CNTN1: variants seen among roughly 807,000 people sequenced by gnomAD.
CNTN1 encodes contactin 1, also known as contactin-1.
In CNTN1, 38 loss-of-function variants were observed where a neutral mutation model predicts 126.4. The observed-to-expected ratio is 0.30, with a 90% CI of 0.23 to 0.39. The LOEUF (loss-of-function observed/expected upper bound fraction) is 0.39. CNTN1 is among the 10% of genes least tolerant of loss of function. The probability of loss-of-function intolerance (pLI) is 1.00; values close to 1 mark genes in which losing one functional copy is unlikely to be tolerated. For synonymous variants in CNTN1, 413 were observed against 422.6 expected (o/e 0.98, Z 0.28); for missense variants, 1,009 against 1,248.4 (o/e 0.81, Z 2.89).
intron 1 of CNTN1, among the ~76,000 whole-genome samples, chr12:40,760,564 G>T (rs142225686): frequency 6.6e-6 from 1 of 151,706 alleles, no homozygotes; most frequent in Non-Finnish European, 1.5e-5. Flanking sequence ...ACTGCTGTTC[G>T]CAGTGTGGCT....
At chr12:41,041,004 G>A (rs1452031592) in intron 23 of CNTN1, among the ~76,000 whole-genome samples, 2 of 142,794 alleles carry the variant, frequency 1.4e-5, no homozygotes, top group African/African-American at 5.3e-5. Flanking sequence ...GTTTTCAAAG[G>A]GAATGCTTCC....
intron 1 of CNTN1, among the ~76,000 whole-genome samples, chr12:40,754,694 T>A (rs1232556040): frequency 6.6e-6 from 1 of 152,082 alleles, no homozygotes; most frequent in Non-Finnish European, 1.5e-5. Flanking sequence ...GTATTTATGT[T>A]GCAAGTTTTT....
At chr12:40,833,287 G>T (rs1171784192) in intron 1 of CNTN1, among the ~76,000 whole-genome samples, 3 of 152,014 alleles carry the variant, frequency 2.0e-5, no homozygotes, top group Non-Finnish European at 2.9e-5. Context: ...GTAGAGACAG[G>T]GTTTCACCAT....
chr12:40,835,142 T>G (rs867917401), intron 1 of CNTN1, among the ~76,000 whole-genome samples: 1 of 152,204 alleles, frequency 6.6e-6, no homozygotes, highest in Non-Finnish European at 1.5e-5. Context: ...AAAATGATAA[T>G]AGCAGTGTCT....
In CNTN1 at chr12:40,911,318, G is replaced by A. The variant is rs577396677; in HGVS notation, c.94+1213G>A. ...GATGGTCTCAATCTCCTGACCTCGT[G>A]ATCCGCCCGCCTTAGCCTCCCAAAG... On this transcript the variant is annotated intron_variant, in intron 3 of 23. Coordinates refer to ENST00000551295, the MANE Select transcript of CNTN1 (RefSeq NM_001843.4). Among the ~76,000 whole-genome samples the A allele has an allele frequency of 5.9e-5, 9 of 152,180 alleles. No individual in the cohort carries two copies. In the South Asian group the frequency reaches 1.9e-3, roughly 32 times the overall value.
chr12:40,795,105 C>T (rs1013654537), intron 1 of CNTN1, among the ~76,000 whole-genome samples: 2 of 151,974 alleles, frequency 1.3e-5, no homozygotes, highest in Non-Finnish European at 2.9e-5. Flanking sequence ...AAGAGAAAAC[C>T]CTGAGGATTC....
intron 12 of CNTN1, among the ~76,000 whole-genome samples, chr12:40,942,741 C>G (rs974841813): frequency 6.6e-6 from 1 of 151,992 alleles, no homozygotes; most frequent in African/African-American, 2.4e-5. Context: ...ACAAAAAGTA[C>G]TCTGAAATGA....
intron 1 of CNTN1, among the ~76,000 whole-genome samples, chr12:40,715,961 A>T (rs549093437): frequency 3.3e-5 from 5 of 152,156 alleles, no homozygotes; most frequent in South Asian, 2.1e-4. Flanking sequence ...TGGATAGAGG[A>T]TAATAGTTAA....
intron 1 of CNTN1, among the ~76,000 whole-genome samples, chr12:40,793,409 A>G (rs1050265953): frequency 6.6e-6 from 1 of 151,582 alleles, no homozygotes; most frequent in Non-Finnish European, 1.5e-5. Context: ...CTAAGAACCT[A>G]TGAGAGTTAG....
At chr12:41,048,587 C>G (rs1566215645) in intron 23 of CNTN1, among the ~76,000 whole-genome samples, 2 of 152,084 alleles carry the variant, frequency 1.3e-5, no homozygotes, top group African/African-American at 4.8e-5. Flanking sequence ...TCTTCTACAT[C>G]ATTATATTTC....
intron 15 of CNTN1, chr12:40,972,794 T>C (rs1017612533): frequency 3.8e-6 from 1 of 265,168 alleles, no homozygotes; most frequent in Non-Finnish European, 5.8e-6. Flanking sequence ...GAGACATGTA[T>C]GAATCGTATT....
At chr12:40,925,608 TGTATATATATATATACAC>T in intron 6 of CNTN1, among the ~76,000 whole-genome samples, 1 of 144,864 alleles carries the variant, frequency 6.9e-6, no homozygotes, top group Non-Finnish European at 1.5e-5. Context: ...TATATATACG[TGTATATATATATATACAC>T]ATATATATAT....
At chr12:41,030,882 A>G (rs1403394380) in intron 23 of CNTN1, among the ~76,000 whole-genome samples, 1 of 152,176 alleles carries the variant, frequency 6.6e-6, no homozygotes, top group Non-Finnish European at 1.5e-5. Flanking sequence ...CATTTTCTAT[A>G]TTCAGAACTT....
intron 17 of CNTN1, among the ~76,000 whole-genome samples, chr12:40,999,220 A>G (rs1359078602): frequency 2.0e-5 from 3 of 152,216 alleles, no homozygotes; most frequent in East Asian, 1.9e-4. Flanking sequence ...GGGAATTACT[A>G]TTAAATAGAA....
intron 14 of CNTN1, among the ~76,000 whole-genome samples, chr12:40,947,985 G>A: frequency 6.6e-6 from 1 of 151,604 alleles, no homozygotes; most frequent in Non-Finnish European, 1.5e-5. Context: ...CCTCTTATGT[G>A]GTGACTCTGA....
chr12:40,971,793 C>A, intron 15 of CNTN1: 1 of 1,187,608 alleles, frequency 8.4e-7, no homozygotes, highest in Non-Finnish European at 1.0e-6. Context: ...TCCTGTTTTT[C>A]TTTGAAATTA....
chr12:41,067,879 T>C (rs759386596), intron 23 of CNTN1, among the ~76,000 whole-genome samples: 22 of 152,140 alleles, frequency 1.4e-4, no homozygotes, highest in Non-Finnish European at 3.1e-4. Flanking sequence ...AATAAAATAA[T>C]GTGTGGTCTG....
chr12:40,830,815 A>G (rs891764224), intron 1 of CNTN1, among the ~76,000 whole-genome samples: 8 of 125,278 alleles, frequency 6.4e-5, no homozygotes, highest in Admixed American at 2.5e-4. Context: ...ATATATATAT[A>G]TATATATATA....
chr12:40,849,641 T>C (rs998238354), intron 1 of CNTN1, among the ~76,000 whole-genome samples: 1 of 152,206 alleles, frequency 6.6e-6, no homozygotes, highest in South Asian at 2.1e-4. Flanking sequence ...TTAAGGGGAC[T>C]GAGTCTACAT....
Sources: gnomAD v4.1 joint callset for allele counts (sites outside exome capture counted in the v4.1 genomes callset) on GRCh38, gnomAD v4.1.1 for gene constraint, MANE v1.5 for transcripts, NCBI Gene and HGNC (gene_info 2026-07-23, HGNC 2026-07-21) for gene names.